Variants in KCNIP4 observed in about 807,000 individuals in gnomAD.
The protein encoded by KCNIP4 is Kv channel-interacting protein 4.
In KCNIP4, 12 loss-of-function variants were observed where a neutral mutation model predicts 34.0. The ratio of observed to expected loss-of-function variants is 0.35; its 90% confidence interval spans 0.23 to 0.57. The LOEUF is 0.57. Ranked by LOEUF, KCNIP4 falls within the 20% of genes least tolerant of loss-of-function variation. KCNIP4 has a pLI of 0.83. For synonymous variants in KCNIP4, 124 were observed against 102.2 expected, an observed-to-expected ratio of 1.21 and a Z score of -1.29; for missense variants, 238 against 311.7, an observed-to-expected ratio of 0.76 and a Z score of 1.78.
intron 1 of KCNIP4, among the ~76,000 whole-genome samples, chr4:20,918,622 G>T (rs1047157862): frequency 3.3e-5 from 5 of 152,160 alleles, no homozygotes; most frequent in Admixed American, 2.0e-4. Flanking sequence ...ACTGGAATTC[G>T]GCAGTGAACA....
At chr4:21,697,233 G>A (rs1712417056) in intron 1 of KCNIP4, 7 of 1,270,662 alleles carry the variant, frequency 5.5e-6, no homozygotes, top group Non-Finnish European at 6.9e-6. Context: ...GCATTTTATT[G>A]ACAACATTAA....
chr4:21,153,339 T>A (rs1752892856), intron 1 of KCNIP4, among the ~76,000 whole-genome samples: 1 of 151,954 alleles, frequency 6.6e-6, no homozygotes, highest in Non-Finnish European at 1.5e-5. Flanking sequence ...ATGACAAAAA[T>A]TGTATTTTCA....
At chr4:21,615,574 A>C (rs1577697278) in intron 1 of KCNIP4, among the ~76,000 whole-genome samples, 2 of 151,758 alleles carry the variant, frequency 1.3e-5, no homozygotes, top group African/African-American at 2.4e-5. Context: ...ACAAAAAAAA[A>C]CATATAAAAG....
intron 1 of KCNIP4, among the ~76,000 whole-genome samples, chr4:21,631,373 G>A (rs778604802): frequency 1.3e-5 from 2 of 152,062 alleles, no homozygotes; most frequent in Non-Finnish European, 2.9e-5. Context: ...TACTAAAAAT[G>A]GTAGTTATGT....
In KCNIP4 at chr4:21,622,874, C is replaced by T. The variant is rs183717411; in HGVS notation, c.61+325697G>A. 6.2e-3 allele frequency among the ~76,000 whole-genome samples: 945 copies of T among 152,226 alleles called. 5 individuals carry two copies. Among genetic ancestry groups the T allele is most frequent in the Middle Eastern group, 0.027 (8 of 294 alleles). On this transcript the variant is annotated intron_variant, in intron 1 of 8. Coordinates refer to ENST00000382152, the MANE Select transcript of KCNIP4 (RefSeq NM_025221.6). ...CACAAAATCAAATCAATTTCTGTGACTTGTTTTTTATATTTCTTCTGCCAT... is the reference window on the plus strand; with the variant it reads ...CACAAAATCAAATCAATTTCTGTGATTTGTTTTTTATATTTCTTCTGCCAT...
At chr4:20,962,576 T>A (rs1413886376) in intron 1 of KCNIP4, among the ~76,000 whole-genome samples, 1 of 152,192 alleles carries the variant, frequency 6.6e-6, no homozygotes, top group Non-Finnish European at 1.5e-5. Flanking sequence ...AGTACTAACA[T>A]TGGGCATGGA....
At chr4:21,613,992 A>G (rs1203378106) in intron 1 of KCNIP4, among the ~76,000 whole-genome samples, 3 of 151,842 alleles carry the variant, frequency 2.0e-5, no homozygotes, top group Non-Finnish European at 4.4e-5. Context: ...AAATACAAAA[A>G]AAAAAAAAAT....
chr4:21,455,777 G>A lies in KCNIP4; in HGVS notation c.61+492794C>T, dbSNP rs377297133. 4.9e-5 allele frequency among the ~76,000 whole-genome samples: 6 copies of A among 122,628 alleles called. 1 individual carries two copies. Among genetic ancestry groups the A allele is most frequent in the African/African-American group, 1.5e-4 (5 of 33,460 alleles). 80.4% of individuals were successfully genotyped at this position (122,628 alleles called of 152,430 possible). A position where few individuals can be genotyped will look rare whatever the true frequency, so the allele number is the denominator to read the frequency against. On this transcript the variant is annotated intron_variant, in intron 1 of 8. Coordinates refer to ENST00000382152, the MANE Select transcript of KCNIP4 (RefSeq NM_025221.6). ...CTGTTCCTCTCCCTATATATGTATA[G>A]TCATATTAATGTGATAGTCTTACAG...
chr4:21,311,454 GC>G (rs921199201), intron 1 of KCNIP4, among the ~76,000 whole-genome samples: 1 of 152,156 alleles, frequency 6.6e-6, no homozygotes, highest in African/African-American at 2.4e-5. Context: ...ACTTTGGGAG[GC>G]CTAGGTGGGC....
At chr4:21,053,777 T>G (rs560019274) in intron 1 of KCNIP4, among the ~76,000 whole-genome samples, 1 of 152,210 alleles carries the variant, frequency 6.6e-6, no homozygotes, top group African/African-American at 2.4e-5. Flanking sequence ...ATCCAATAAA[T>G]AAAATATCTA....
At chr4:21,480,694 A>G (rs959256596) in intron 1 of KCNIP4, among the ~76,000 whole-genome samples, 1 of 152,222 alleles carries the variant, frequency 6.6e-6, no homozygotes, top group Non-Finnish European at 1.5e-5. Context: ...CAAAATCTAT[A>G]AAACACATAG....
chr4:21,142,125 T>C (rs909864641), intron 1 of KCNIP4, among the ~76,000 whole-genome samples: 2 of 126,758 alleles, frequency 1.6e-5, no homozygotes, highest in Non-Finnish European at 3.1e-5. Context: ...CACTCCAGCC[T>C]GGGCGACAGT....
intron 1 of KCNIP4, among the ~76,000 whole-genome samples, chr4:20,935,455 G>A (rs1215209385): frequency 1.3e-5 from 2 of 152,024 alleles, no homozygotes; most frequent in Admixed American, 6.6e-5. Flanking sequence ...CAACAAACTC[G>A]AAACCCTGTC....
intron 1 of KCNIP4, among the ~76,000 whole-genome samples, chr4:21,012,764 C>A (rs78731074): frequency 2.6e-5 from 4 of 152,130 alleles, no homozygotes; most frequent in African/African-American, 9.7e-5. Flanking sequence ...ATCTAAGCAA[C>A]CTTACAAATT....
intron 1 of KCNIP4, among the ~76,000 whole-genome samples, chr4:21,908,013 T>C (rs188383773): frequency 6.6e-6 from 1 of 152,270 alleles, no homozygotes; most frequent in East Asian, 1.9e-4. Flanking sequence ...AAACTTTTTT[T>C]GTTCATTAAA....
chr4:21,857,388 A>C (rs1034609603), intron 1 of KCNIP4, among the ~76,000 whole-genome samples: 8 of 152,254 alleles, frequency 5.3e-5, no homozygotes, highest in Middle Eastern at 3.4e-3. Flanking sequence ...AGCTGAAAAG[A>C]GATGACAGGA....
intron 1 of KCNIP4, among the ~76,000 whole-genome samples, chr4:21,825,400 T>G (rs1560742300): frequency 6.6e-6 from 1 of 152,158 alleles, no homozygotes; most frequent in African/African-American, 2.4e-5. Flanking sequence ...ACACATCATT[T>G]TTATTCCCAA....
intron 1 of KCNIP4, among the ~76,000 whole-genome samples, chr4:21,619,221 G>A (rs1744842095): frequency 6.6e-6 from 1 of 152,150 alleles, no homozygotes; most frequent in Admixed American, 6.5e-5. Flanking sequence ...TTAATGCTTA[G>A]ATATTCATTT....
chr4:20,890,982 T>A (rs1725859136), intron 1 of KCNIP4, among the ~76,000 whole-genome samples: 1 of 152,196 alleles, frequency 6.6e-6, no homozygotes, highest in Non-Finnish European at 1.5e-5. Flanking sequence ...GTCAGTGTCA[T>A]GTGTCAGTGC....
Sources: gnomAD v4.1 joint callset for allele counts (sites outside exome capture counted in the v4.1 genomes callset) on GRCh38, gnomAD v4.1.1 for gene constraint, MANE v1.5 for transcripts, NCBI Gene and HGNC (gene_info 2026-07-23, HGNC 2026-07-21) for gene names.